Variants in SLC44A5 observed in about 807,000 individuals in gnomAD.
SLC44A5 encodes solute carrier family 44 member 5.
SLC44A5 carries 57 observed loss-of-function variants against 101.8 expected under a neutral mutation model. That is an observed-to-expected ratio of 0.56 (90% CI 0.45 to 0.70). The LOEUF (loss-of-function observed/expected upper bound fraction) is 0.70, where lower values mean the gene tolerates loss of function less well. Among genes scored for constraint, SLC44A5 ranks in the 30% least tolerant of loss-of-function variants. The pLI, the probability that SLC44A5 is intolerant of heterozygous loss-of-function variation, is 0.00. For synonymous variants in SLC44A5, 281 were observed against 290.9 expected (o/e 0.97, Z 0.35); for missense variants, 737 against 853.1 (o/e 0.86, Z 1.70).
the SLC44A5 span, among the ~76,000 whole-genome samples, chr1:75,616,466 C>T: frequency 3.9e-5 from 6 of 152,198 alleles, no homozygotes; most frequent in African/African-American, 1.4e-4. Flanking sequence ...CCTTCGAAGC[C>T]CCCTCTCAAA....
At chr1:75,677,056 C>G in the SLC44A5 span, among the ~76,000 whole-genome samples, 2 of 152,032 alleles carry the variant, frequency 1.3e-5, no homozygotes, top group South Asian at 4.1e-4. Context: ...TAAACATAAG[C>G]TGAGGGATTT....
the SLC44A5 span, among the ~76,000 whole-genome samples, chr1:75,618,314 A>T: frequency 6.6e-6 from 1 of 152,226 alleles, no homozygotes; most frequent in East Asian, 1.9e-4. Flanking sequence ...CAATCACATA[A>T]GATCATCAAA....
chr1:75,310,282 G>A (rs907035841), intron 4 of SLC44A5, among the ~76,000 whole-genome samples: 10 of 152,156 alleles, frequency 6.6e-5, no homozygotes, highest in African/African-American at 2.2e-4. Flanking sequence ...TGCCATTAGG[G>A]ACTTGACTCA....
At chr1:75,640,793 G>T in the SLC44A5 span, among the ~76,000 whole-genome samples, 1 of 152,020 alleles carries the variant, frequency 6.6e-6, no homozygotes. Context: ...TTGTATGCAG[G>T]CTCGAATGTC....
chr1:75,525,146 T>G (rs189590046), intron 2 of SLC44A5, among the ~76,000 whole-genome samples: 71 of 152,250 alleles, frequency 4.7e-4, no homozygotes, highest in Middle Eastern at 3.4e-3. Flanking sequence ...TTTAAAATAT[T>G]TAGGTGAAAG....
rs145174512 is a variant in SLC44A5, at chr1:75,551,220, A to G, written c.-69-9704T>C. On this transcript the variant is annotated intron_variant, in intron 1 of 23. Coordinates refer to ENST00000370859, the MANE Select transcript of SLC44A5 (RefSeq NM_001130058.2). The stretch of plus-strand genomic sequence containing the variant: ...GTTTCAAGCCCTCCCAATTTGCTCC[A>G]TTTTACTGCAGCTAATGAGTCCATA... 5.7e-3 allele frequency among the ~76,000 whole-genome samples: 868 copies of G among 152,164 alleles called. 15 individuals carry two copies. Among genetic ancestry groups the G allele is most frequent in the Admixed American group, 0.035 (534 of 15,244 alleles).
intron 5 of SLC44A5, among the ~76,000 whole-genome samples, chr1:75,281,727 C>T (rs1652605443): frequency 6.8e-6 from 1 of 146,998 alleles, no homozygotes; most frequent in Non-Finnish European, 1.5e-5. Flanking sequence ...CAGGGTATAG[C>T]TCAGCCCATT....
At chr1:75,524,562 T>C (rs981182285) in intron 2 of SLC44A5, among the ~76,000 whole-genome samples, 10 of 151,840 alleles carry the variant, frequency 6.6e-5, no homozygotes, top group African/African-American at 2.4e-4. Flanking sequence ...ATATGAGGAG[T>C]AAAGGAGGGT....
At chr1:75,332,327 T>C (rs1191808121) in intron 4 of SLC44A5, among the ~76,000 whole-genome samples, 2 of 152,204 alleles carry the variant, frequency 1.3e-5, no homozygotes, top group African/African-American at 2.4e-5. Context: ...AGTCAAAAAT[T>C]TCTTTAGGGA....
chr1:75,685,807 C>T, the SLC44A5 span, among the ~76,000 whole-genome samples: 2 of 152,180 alleles, frequency 1.3e-5, no homozygotes, highest in Admixed American at 1.3e-4. Flanking sequence ...GCACTCCACT[C>T]TTCTGTGGTA....
At chr1:75,674,436 A>G in the SLC44A5 span, among the ~76,000 whole-genome samples, 2 of 152,076 alleles carry the variant, frequency 1.3e-5, no homozygotes, top group South Asian at 2.1e-4. Context: ...CTGGAGTGCA[A>G]TGGCACGATC....
At chr1:75,274,860 A>C in intron 6 of SLC44A5, 98 bp downstream of exon 6, 1 of 971,936 alleles carries the variant, frequency 1.0e-6, no homozygotes, top group East Asian at 2.6e-5. Context: ...TTATGAATTT[A>C]AATCTTCTTA....
intron 3 of SLC44A5, among the ~76,000 whole-genome samples, chr1:75,352,908 A>G (rs1481501844): frequency 1.3e-5 from 2 of 152,224 alleles, no homozygotes; most frequent in African/African-American, 2.4e-5. Context: ...ATAGGATACT[A>G]AACAGTTACT....
intron 1 of SLC44A5, among the ~76,000 whole-genome samples, chr1:75,541,940 G>C (rs75185093): frequency 6.6e-6 from 1 of 152,106 alleles, no homozygotes; most frequent in African/African-American, 2.4e-5. Flanking sequence ...TTTTTGTTTT[G>C]AGTTCAGCAT....
Position 75,606,712 on chromosome 1 carries a change from C to T in SLC44A5, c.-70+4328G>A, listed in dbSNP as rs1309800339. On this transcript the variant is annotated intron_variant, in intron 1 of 23. Coordinates refer to ENST00000370859, the MANE Select transcript of SLC44A5 (RefSeq NM_001130058.2). ...GACTTTCATATTAATTAATTAAGGT[C>T]TTCAATGACTTTCATATTAATAAAT... Among the ~76,000 whole-genome samples, 3 of 151,984 alleles carry T rather than the reference C, an allele frequency of 2.0e-5. No homozygotes were observed. In the East Asian group the frequency reaches 5.8e-4, roughly 29 times the overall value.
intron 3 of SLC44A5, among the ~76,000 whole-genome samples, chr1:75,393,263 C>T (rs114552821): frequency 6.6e-6 from 1 of 152,136 alleles, no homozygotes; most frequent in Non-Finnish European, 1.5e-5. Context: ...GGAAAGCCAT[C>T]TCAACTTTCT....
intron 2 of SLC44A5, among the ~76,000 whole-genome samples, chr1:75,525,352 A>G (rs538019797): frequency 6.6e-6 from 1 of 152,296 alleles, no homozygotes; most frequent in African/African-American, 2.4e-5. Flanking sequence ...TAAGAATATC[A>G]CTTATGGAAT....
At chr1:75,451,349 A>G (rs1237034195) in intron 2 of SLC44A5, among the ~76,000 whole-genome samples, 1 of 152,140 alleles carries the variant, frequency 6.6e-6, no homozygotes, top group Non-Finnish European at 1.5e-5. Flanking sequence ...AGCACAATCT[A>G]TGGGCTTGTA....
rs1173569650 is a variant in SLC44A5, at chr1:75,482,158, A to T, written c.13+59277T>A. Among the ~76,000 whole-genome samples, 11 of 152,054 alleles carry T rather than the reference A, an allele frequency of 7.2e-5. No homozygotes were observed. The East Asian group carries it at 1.6e-3, about 21-fold the overall frequency. On this transcript the variant is annotated intron_variant, in intron 2 of 23. Coordinates refer to ENST00000370859, the MANE Select transcript of SLC44A5 (RefSeq NM_001130058.2). ...AATTGGAAATCATCATTCTCAGTAA[A>T]CTATCACAAGGATAAAAAACCAAAC...
Sources: allele counts gnomAD v4.1 joint callset (sites outside exome capture counted in the v4.1 genomes callset), GRCh38; gene constraint gnomAD v4.1.1; transcripts MANE v1.5; gene names NCBI Gene and HGNC (gene_info 2026-07-23, HGNC 2026-07-21).